The following SBF2 variants were observed in gnomAD, a reference collection of about 807,000 sequenced individuals.
SBF2 encodes myotubularin-related protein 13.
A neutral mutation model predicts 225.2 loss-of-function variants in SBF2; 112 were observed. That is an observed-to-expected ratio of 0.50 (90% CI 0.43 to 0.58). SBF2 has a LOEUF of 0.58. Among genes scored for constraint, SBF2 ranks in the 20% least tolerant of loss-of-function variants. SBF2 has a pLI of 0.00. For missense variants in SBF2, 1,996 were observed against 2,206.2 expected (o/e 0.90, Z 1.91); for synonymous variants, 763 against 773.3 (o/e 0.99, Z 0.22).
chr11:10,156,966 T>C (rs575388083), intron 2 of SBF2, among the ~76,000 whole-genome samples: 45 of 152,212 alleles, frequency 3.0e-4, no homozygotes, highest in African/African-American at 1.1e-3. Flanking sequence ...GCTAAGGCAA[T>C]CCTAAGCAAA....
At chr11:10,193,590 A>G (rs553689066) in intron 2 of SBF2, among the ~76,000 whole-genome samples, 28 of 152,048 alleles carry the variant, frequency 1.8e-4, no homozygotes, top group Non-Finnish European at 3.5e-4. Context: ...CTTACCTCGT[A>G]ATCCGCCCGC....
Position 9,781,526 on chromosome 11 carries a change from C to T in SBF2, c.5432G>A (p.Ser1811Asn), listed in dbSNP as rs1852006523. ...GPSMGAPKHT[S>N]DKAFFDLKTS... is the part of the protein sequence containing the mutation. The stretch of plus-strand genomic sequence containing the variant: ...ACTTACATCAAAGAAAGCCTTGTCA[C>T]TTGTGTGCTTTGGGGCTCCCATGCT... Residue 1811 changes from serine to asparagine, a missense_variant, in exon 39 of 40, where the codon AGT (serine) becomes AAT (asparagine). Ser to Asn is a conservative substitution (Grantham distance 46, BLOSUM62 1). Coordinates refer to ENST00000256190, the MANE Select transcript of SBF2 (RefSeq NM_030962.4). 1.2e-6 allele frequency: 2 copies of T among 1,614,236 alleles called. No individual in the cohort carries two copies. Among genetic ancestry groups the T allele is most frequent in the East Asian group, 2.2e-5 (1 of 44,886 alleles).
At chr11:9,923,954 A>C (rs1863830554) in intron 16 of SBF2, among the ~76,000 whole-genome samples, 1 of 152,208 alleles carries the variant, frequency 6.6e-6, no homozygotes, top group Non-Finnish European at 1.5e-5. Flanking sequence ...AATTTTTGCT[A>C]AATCTCTGTA....
At chr11:10,267,375 T>C (rs905277530) in intron 1 of SBF2, among the ~76,000 whole-genome samples, 5 of 151,924 alleles carry the variant, frequency 3.3e-5, no homozygotes, top group African/African-American at 9.7e-5. Context: ...GTGCACTTTA[T>C]AGTAATCCGA....
Position 10,078,276 on chromosome 11 carries a change from T to G in SBF2, c.142-35295A>C, listed in dbSNP as rs190796754. ...CCATTTGATCCAGTGATCCCATTAC[T>G]GGGTATATACCCAAAGGATTATCAA... is the stretch of plus-strand genomic sequence containing the variant. On this transcript the variant is annotated intron_variant, in intron 2 of 39. Coordinates refer to ENST00000256190, the MANE Select transcript of SBF2 (RefSeq NM_030962.4). Among the ~76,000 whole-genome samples, 578 of 152,358 alleles carry G rather than the reference T, an allele frequency of 3.8e-3. 4 individuals are homozygous for G. Among genetic ancestry groups the G allele is most frequent in the South Asian group, 5.4e-3 (26 of 4,826 alleles).
chr11:9,851,299 G>C (rs532366316), intron 21 of SBF2, among the ~76,000 whole-genome samples: 1 of 152,288 alleles, frequency 6.6e-6, no homozygotes, highest in South Asian at 2.1e-4. Context: ...ACAGTTAAGG[G>C]TGGAGGTGGA....
At chr11:9,938,626 T>C (rs1392426470) in intron 16 of SBF2, among the ~76,000 whole-genome samples, 2 of 152,248 alleles carry the variant, frequency 1.3e-5, no homozygotes, top group Non-Finnish European at 2.9e-5. Context: ...ATGACAAATA[T>C]TATAGTTCAA....
intron 2 of SBF2, among the ~76,000 whole-genome samples, chr11:10,143,719 C>T (rs1954755607): frequency 6.7e-6 from 1 of 149,240 alleles, no homozygotes; most frequent in African/African-American, 2.5e-5. Context: ...TGGGTTTTTG[C>T]TTTTGTTTTT....
intron 16 of SBF2, among the ~76,000 whole-genome samples, chr11:9,897,031 T>C (rs143612276): frequency 2.0e-5 from 3 of 152,230 alleles, no homozygotes; most frequent in Non-Finnish European, 2.9e-5. Flanking sequence ...CCCAAAATAA[T>C]GGAAAACAAG....
intron 1 of SBF2, among the ~76,000 whole-genome samples, chr11:10,277,412 T>A (rs1052454315): frequency 6.6e-6 from 1 of 152,246 alleles, no homozygotes; most frequent in Non-Finnish European, 1.5e-5. Context: ...GCTTTTTGAA[T>A]AATTTTGTTT....
intron 1 of SBF2, among the ~76,000 whole-genome samples, chr11:10,292,639 A>G (rs966552571): frequency 7.0e-6 from 1 of 141,868 alleles, no homozygotes; most frequent in African/African-American, 2.6e-5. Flanking sequence ...AGATCGCACC[A>G]CTGCACTCCA....
At chr11:9,801,709 T>C (rs1391739046) in intron 32 of SBF2, among the ~76,000 whole-genome samples, 1 of 152,266 alleles carries the variant, frequency 6.6e-6, no homozygotes, top group Admixed American at 6.5e-5. Flanking sequence ...AATTGCCTTG[T>C]TATAAAACAG....
intron 2 of SBF2, among the ~76,000 whole-genome samples, chr11:10,067,565 AAAC>A (rs1950673310): frequency 6.6e-6 from 1 of 152,136 alleles, no homozygotes; most frequent in South Asian, 2.1e-4. Context: ...AACAAAAACA[AAAC>A]AAAAAAATGC....
chr11:9,785,057 G>T, intron 37 of SBF2, 68 bp downstream of exon 37: 1 of 1,331,816 alleles, frequency 7.5e-7, no homozygotes, highest in Non-Finnish European at 1.1e-6. Flanking sequence ...CTTATTGAGG[G>T]ACCTGTGGTT....
At chr11:10,105,601 G>A (rs772054593) in intron 2 of SBF2, among the ~76,000 whole-genome samples, 16 of 152,098 alleles carry the variant, frequency 1.1e-4, no homozygotes, top group African/African-American at 3.9e-4. Flanking sequence ...AAAAATAAAA[G>A]CTCACTTTTT....
At chr11:10,180,946 T>C (rs1956712888) in intron 2 of SBF2, among the ~76,000 whole-genome samples, 2 of 152,266 alleles carry the variant, frequency 1.3e-5, no homozygotes, top group South Asian at 2.1e-4. Flanking sequence ...AAGCTATTCC[T>C]AATTTCACAG....
upstream of SBF2, among the ~76,000 whole-genome samples, chr11:10,299,016 G>C (rs1419483960): frequency 6.6e-6 from 1 of 152,128 alleles, no homozygotes; most frequent in Non-Finnish European, 1.5e-5. Flanking sequence ...TGTGTTTGGG[G>C]TGCAAAGAAA....
intron 27 of SBF2, 23 bp downstream of exon 27, chr11:9,832,201 T>C (rs773670091): frequency 5.6e-6 from 9 of 1,598,764 alleles, no homozygotes; most frequent in East Asian, 2.2e-5. Context: ...CGGGTGGTAA[T>C]TGTGTTATAG....
chr11:9,858,740 TG>T (rs1358522259), intron 17 of SBF2, among the ~76,000 whole-genome samples: 1 of 152,256 alleles, frequency 6.6e-6, no homozygotes, highest in Admixed American at 6.5e-5. Flanking sequence ...TCCATCACGA[TG>T]TAAACATAAA....
Sources: gnomAD v4.1 joint callset for allele counts (sites outside exome capture counted in the v4.1 genomes callset) on GRCh38, gnomAD v4.1.1 for gene constraint, MANE v1.5 for transcripts, NCBI Gene and HGNC (gene_info 2026-07-23, HGNC 2026-07-21) for gene names.